ARHGEF4: variants seen among roughly 807,000 people sequenced by gnomAD.
ARHGEF4 encodes APC-stimulated guanine nucleotide exchange factor 1.
In ARHGEF4, 119 loss-of-function variants were observed where a neutral mutation model predicts 162.0. The observed-to-expected ratio is 0.73, with a 90% CI of 0.63 to 0.86. The LOEUF (loss-of-function observed/expected upper bound fraction) is 0.86, where lower values mean the gene tolerates loss of function less well. ARHGEF4 is among the 40% of genes least tolerant of loss of function. The pLI is 0.00. For missense variants in ARHGEF4, 2,488 were observed against 2,456.0 expected, an observed-to-expected ratio of 1.01 and a Z score of -0.28; for synonymous variants, 1,014 against 979.9, an observed-to-expected ratio of 1.03 and a Z score of -0.65.
chr2:131,020,283 C>T (rs1689027709), intron 4 of ARHGEF4, among the ~76,000 whole-genome samples: 1 of 151,412 alleles, frequency 6.6e-6, no homozygotes. Flanking sequence ...TGGTGTGCTG[C>T]ACCCATTAAC....
chr2:131,032,167 T>C (rs562436290), intron 5 of ARHGEF4, among the ~76,000 whole-genome samples: 1 of 151,978 alleles, frequency 6.6e-6, no homozygotes, highest in Non-Finnish European at 1.5e-5. Flanking sequence ...GCACGAGGTG[T>C]CTGGCGCACT....
chr2:130,939,967 T>C (rs1683191702), intron 3 of ARHGEF4, among the ~76,000 whole-genome samples: 1 of 152,242 alleles, frequency 6.6e-6, no homozygotes, highest in Non-Finnish European at 1.5e-5. Flanking sequence ...ATTTGTTAGT[T>C]CAAATGTAGT....
intron 4 of ARHGEF4, among the ~76,000 whole-genome samples, chr2:131,009,487 GTA>G (rs1004562298): frequency 1.5e-4 from 23 of 152,148 alleles, no homozygotes; most frequent in African/African-American, 5.1e-4. Flanking sequence ...CTCTCCTCAT[GTA>G]TGTTAGACCA....
At chr2:131,008,882 T>C (rs1365350445) in intron 4 of ARHGEF4, among the ~76,000 whole-genome samples, 1 of 152,230 alleles carries the variant, frequency 6.6e-6, no homozygotes, top group Non-Finnish European at 1.5e-5. Context: ...ACATGTACTA[T>C]AAGCCCCACA....
intron 1 of ARHGEF4, among the ~76,000 whole-genome samples, chr2:130,888,609 A>G (rs1256807148): frequency 6.6e-6 from 1 of 152,064 alleles, no homozygotes; most frequent in African/African-American, 2.4e-5. Flanking sequence ...AGTTGAAACT[A>G]TTACCTGTTT....
intron 4 of ARHGEF4, among the ~76,000 whole-genome samples, chr2:131,027,460 G>T (rs1338309061): frequency 6.6e-6 from 1 of 152,116 alleles, no homozygotes; most frequent in African/African-American, 2.4e-5. Flanking sequence ...TCAAGTTTCT[G>T]GTGTTTTTCT....
At chr2:130,924,871 C>T (rs2105084272) in intron 2 of ARHGEF4, among the ~76,000 whole-genome samples, 1 of 152,276 alleles carries the variant, frequency 6.6e-6, no homozygotes, top group Non-Finnish European at 1.5e-5. Flanking sequence ...CACTGAGACC[C>T]AGTTTCCTTG....
chr2:131,028,923 T>C (rs771320409), intron 5 of ARHGEF4, among the ~76,000 whole-genome samples: 4 of 151,990 alleles, frequency 2.6e-5, no homozygotes, highest in Non-Finnish European at 4.4e-5. Context: ...TTTGGAAGAG[T>C]TAGACTTTTC....
intron 1 of ARHGEF4, among the ~76,000 whole-genome samples, chr2:130,894,047 A>G (rs919221891): frequency 3.3e-5 from 5 of 152,242 alleles, no homozygotes; most frequent in Non-Finnish European, 1.5e-5. Flanking sequence ...CGAGGCAGGC[A>G]CCGGCACATC....
At chr2:130,984,603 C>T (rs144104711) in intron 4 of ARHGEF4, among the ~76,000 whole-genome samples, 4,991 of 150,748 alleles carry the variant, frequency 0.033, 221 homozygotes, top group African/African-American at 0.11. Context: ...GCAGGAGAAT[C>T]GCTTGAACCC....
intron 4 of ARHGEF4, chr2:131,011,609 C>A: frequency 6.5e-7 from 1 of 1,527,054 alleles, no homozygotes; most frequent in South Asian, 1.2e-5. Flanking sequence ...CCCCATTGGT[C>A]GTTCCTGGTA....
intron 4 of ARHGEF4, among the ~76,000 whole-genome samples, chr2:131,019,073 A>G (rs1398935700): frequency 6.6e-6 from 1 of 152,062 alleles, no homozygotes; most frequent in African/African-American, 2.4e-5. Context: ...GGACCCCTTG[A>G]GATTCCATGT....
intron 2 of ARHGEF4, among the ~76,000 whole-genome samples, chr2:130,928,854 C>T (rs1682460991): frequency 6.6e-6 from 1 of 152,148 alleles, no homozygotes; most frequent in South Asian, 2.1e-4. Flanking sequence ...TTTCTGGCCC[C>T]CTCCCCTGGA....
At chr2:130,909,813 G>C (rs557308416) in intron 1 of ARHGEF4, among the ~76,000 whole-genome samples, 1 of 151,902 alleles carries the variant, frequency 6.6e-6, no homozygotes, top group Admixed American at 6.5e-5. Flanking sequence ...CCAGAATCAC[G>C]GCCCACTACA....
rs367660031 is a variant in ARHGEF4 at position 130,931,138 on chromosome 2, C to T, written c.3739C>T (p.Arg1247Cys). ...TTCACAGCCTAGGGGCATCCCTCAC[C>T]GCTCGCCCGTCAGTGTGGATGACCT... ...APSQPRGIPH[R>C]SPVSVDDLWL... Residue 1247 changes from arginine (R) to cysteine (C), a missense_variant, in exon 3 of 14, where the codon CGC (arginine) becomes TGC (cysteine). Arg to Cys is a radical substitution (Grantham distance 180, BLOSUM62 -3). Around this residue, in one of 6 missense-constraint regions of ARHGEF4, gnomAD observed 1,642 missense variants for 1,481.5 expected, o/e 1.11. Transcript: ENST00000409359. The T allele has an allele frequency of 6.1e-5, 98 of 1,614,056 alleles. No individual in the cohort carries two copies. The highest frequency in any genetic ancestry group is 7.6e-5 in the Non-Finnish European group (90 of 1,180,024).
rs199808500 is a variant in ARHGEF4, at chr2:130,934,097, GTTTCTA to G, written c.3858+2847_3858+2852del. Reference sequence around the variant, plus strand: ...CCGTTTTATCATGTTAAGGAAGTTCGTTTCTATTTCTAGTGTTTTTATCATGAAAGG... The same window carrying G: ...CCGTTTTATCATGTTAAGGAAGTTCGTTTCTAGTGTTTTTATCATGAAAGG... On this transcript the variant is annotated intron_variant, in intron 3 of 13. Transcript: ENST00000409359. 5.7e-4 allele frequency among the ~76,000 whole-genome samples: 87 copies of G among 152,218 alleles called. 1 individual carries two copies. In the East Asian group the frequency reaches 0.015, roughly 27 times the overall value.
Position 131,010,650 on chromosome 2 carries a change from C to G in ARHGEF4, c.3986-17295C>G, listed in dbSNP as rs139072686. Among the ~76,000 whole-genome samples, 6 of 152,328 alleles carry G rather than the reference C, an allele frequency of 3.9e-5. No homozygotes were observed. In the East Asian group the frequency reaches 9.6e-4, roughly 24 times the overall value. On this transcript the variant is annotated intron_variant, in intron 4 of 13. Transcript: ENST00000409359. ...TGTCCACATTGGTGGTTCCTGGTAG[C>G]TTCCCTCAAAACTGGTTAACTTAGA...
chr2:130,908,710 T>G (rs1680993564), intron 1 of ARHGEF4, among the ~76,000 whole-genome samples: 1 of 151,910 alleles, frequency 6.6e-6, no homozygotes, highest in African/African-American at 2.4e-5. Flanking sequence ...AAAAAAAAGT[T>G]TTACTCTTTA....
chr2:131,035,134 G>C, intron 5 of ARHGEF4: 1 of 1,188,294 alleles, frequency 8.4e-7, no homozygotes, highest in Non-Finnish European at 1.0e-6. Flanking sequence ...CGCGGCGCCC[G>C]GGAACGCCCT....
Sources: allele counts gnomAD v4.1 joint callset (sites outside exome capture counted in the v4.1 genomes callset), GRCh38; gene constraint gnomAD v4.1.1; regional missense constraint gnomAD v4.1.1; transcripts MANE v1.5; gene names NCBI Gene and HGNC (gene_info 2026-07-23, HGNC 2026-07-21).